Variants in IL1RAPL2 observed in about 807,000 individuals in gnomAD.
IL1RAPL2 encodes the protein interleukin 1 receptor accessory protein like 2.
A neutral mutation model predicts 44.1 loss-of-function variants in IL1RAPL2; 3 were observed. The observed-to-expected ratio is 0.07, with a 90% CI of 0.03 to 0.18. IL1RAPL2 has a LOEUF of 0.18. IL1RAPL2 is among the 10% of genes least tolerant of loss of function. The probability of loss-of-function intolerance (pLI) is 1.00; values close to 1 mark genes in which losing one functional copy is unlikely to be tolerated. For synonymous variants in IL1RAPL2, 181 were observed against 178.8 expected (o/e 1.01, Z -0.10); for missense variants, 391 against 496.4 (o/e 0.79, Z 2.02).
At chrX:104,736,034 C>T (rs1490336640) in intron 2 of IL1RAPL2, among the ~76,000 whole-genome samples, 2 of 110,869 alleles carry the variant, frequency 1.8e-5, no homozygotes, top group Non-Finnish European at 3.8e-5. Context: ...ATTCTAGAAG[C>T]ACACTGAGTT....
At chrX:105,005,967 C>T (rs1193750949) in intron 2 of IL1RAPL2, among the ~76,000 whole-genome samples, 2 of 110,471 alleles carry the variant, frequency 1.8e-5, no homozygotes, top group Admixed American at 9.7e-5. Flanking sequence ...TGGAATCTTA[C>T]GTTTTGTATA....
chrX:105,136,072 G>C (rs1056446096), intron 2 of IL1RAPL2, among the ~76,000 whole-genome samples: 1 of 112,038 alleles, frequency 8.9e-6, no homozygotes, highest in Admixed American at 9.5e-5. Flanking sequence ...GTGGGATGAA[G>C]ACTAATCACA....
At chrX:104,827,690 A>G (rs1463364029) in intron 2 of IL1RAPL2, among the ~76,000 whole-genome samples, 2 of 111,787 alleles carry the variant, frequency 1.8e-5, no homozygotes, top group South Asian at 3.7e-4. Context: ...AGGTTGGGGA[A>G]GTTCTCCAGG....
intron 5 of IL1RAPL2, among the ~76,000 whole-genome samples, chrX:105,320,746 G>C (rs1321521564): frequency 1.8e-5 from 2 of 111,888 alleles, no homozygotes; most frequent in African/African-American, 6.5e-5. Flanking sequence ...GTGTATGTGT[G>C]AATGTGTAGA....
At position 105,682,948 on chromosome X, in the gene IL1RAPL2, T is replaced by C. The variant is rs747045560; in HGVS notation, c.773-34419T>C. Reference sequence around the variant, plus strand: ...AACATTTAAGATACAAATTGGATCATAGGTGCCTGAGAAATAATACTTAAT... The same window carrying C: ...AACATTTAAGATACAAATTGGATCACAGGTGCCTGAGAAATAATACTTAAT... On this transcript the variant is annotated intron_variant, in intron 6 of 10. Coordinates refer to ENST00000372582, the MANE Select transcript of IL1RAPL2 (RefSeq NM_017416.2). 1.1e-4 allele frequency among the ~76,000 whole-genome samples: 12 copies of C among 112,515 alleles called. No individual in the cohort carries two copies. The South Asian group carries it at 4.0e-3, about 38-fold the overall frequency.
At chrX:105,496,632 C>T (rs2036358521) in intron 6 of IL1RAPL2, among the ~76,000 whole-genome samples, 1 of 111,615 alleles carries the variant, frequency 9.0e-6, no homozygotes, top group South Asian at 3.7e-4. Flanking sequence ...AGCATTGACA[C>T]GTGTAGTGAT....
chrX:104,843,666 G>A (rs768618270), intron 2 of IL1RAPL2, among the ~76,000 whole-genome samples: 21 of 109,249 alleles, frequency 1.9e-4, no homozygotes, highest in Admixed American at 1.5e-3. Context: ...AGCTCCTTGC[G>A]CTTCCTGGGT....
At chrX:105,284,883 T>C (rs1036410813) in intron 5 of IL1RAPL2, among the ~76,000 whole-genome samples, 5 of 111,383 alleles carry the variant, frequency 4.5e-5, no homozygotes, top group African/African-American at 1.6e-4. Context: ...AGAGATAACG[T>C]TAGATAGAGA....
chrX:104,791,391 C>T (rs779255239), intron 2 of IL1RAPL2, among the ~76,000 whole-genome samples: 4 of 111,540 alleles, frequency 3.6e-5, no homozygotes, highest in Non-Finnish European at 7.5e-5. Context: ...GCATTATTTT[C>T]GTTCCTAAAT....
At chrX:104,746,370 A>G (rs962587490) in intron 2 of IL1RAPL2, among the ~76,000 whole-genome samples, 2 of 111,911 alleles carry the variant, frequency 1.8e-5, no homozygotes, top group Non-Finnish European at 3.8e-5. Context: ...ACTTTTGGCT[A>G]CTTGTATAAA....
At chrX:105,227,995 G>A (rs1394028996) in intron 3 of IL1RAPL2, among the ~76,000 whole-genome samples, 1 of 111,114 alleles carries the variant, frequency 9.0e-6, no homozygotes, top group Non-Finnish European at 1.9e-5. Flanking sequence ...TTGAGAAATA[G>A]AACTTATCAA....
chrX:104,675,956 A>T (rs1438439916), intron 2 of IL1RAPL2, among the ~76,000 whole-genome samples: 30 of 104,275 alleles, frequency 2.9e-4, no homozygotes, highest in Non-Finnish European at 5.6e-4. Flanking sequence ...TGCTTGGTAG[A>T]TCTTCCTCCA....
intron 2 of IL1RAPL2, among the ~76,000 whole-genome samples, chrX:104,885,891 G>C (rs1413603023): frequency 8.8e-6 from 1 of 113,303 alleles, no homozygotes; most frequent in East Asian, 2.8e-4. Context: ...GCCCCAGAGT[G>C]CAATGGTTCT....
At chrX:105,588,794 T>C (rs1407199863) in intron 6 of IL1RAPL2, among the ~76,000 whole-genome samples, 1 of 112,250 alleles carries the variant, frequency 8.9e-6, no homozygotes, top group Admixed American at 9.5e-5. Context: ...CTACTATTGA[T>C]GAGCATTTAG....
At position 105,442,362 on chromosome X, in the gene IL1RAPL2, C is replaced by A. The variant is rs1016080408; in HGVS notation, c.698-41951C>A. 2.7e-4 allele frequency among the ~76,000 whole-genome samples: 30 copies of A among 111,275 alleles called. No homozygotes were observed. In the Admixed American group the frequency reaches 2.9e-3, roughly 11 times the overall value. On this transcript the variant is annotated intron_variant, in intron 5 of 10. Transcript: ENST00000372582. Reference sequence around the variant, plus strand: ...TACAGGTGTGAGCCACCGTGCCCGGCCATGAATTGGGTTCTTATTACCTAC... The same window carrying A: ...TACAGGTGTGAGCCACCGTGCCCGGACATGAATTGGGTTCTTATTACCTAC...
intron 4 of IL1RAPL2, among the ~76,000 whole-genome samples, chrX:105,266,025 A>G (rs7881915): frequency 0.056 from 6,033 of 107,857 alleles, 396 homozygotes; most frequent in African/African-American, 0.2. Flanking sequence ...CTTAACTGAC[A>G]GAATTTACAT....
At chrX:105,046,939 A>G (rs1041459383) in intron 2 of IL1RAPL2, among the ~76,000 whole-genome samples, 52 of 108,403 alleles carry the variant, frequency 4.8e-4, no homozygotes, top group African/African-American at 1.7e-3. Context: ...GGCAGATAGA[A>G]CCTTTCACAT....
At chrX:105,297,075 G>A (rs184752427) in intron 5 of IL1RAPL2, among the ~76,000 whole-genome samples, 2 of 112,275 alleles carry the variant, frequency 1.8e-5, no homozygotes, top group Non-Finnish European at 3.8e-5. Flanking sequence ...ATGGAGATTG[G>A]CAAGGAAGGT....
At chrX:104,695,367 G>A (rs747177783) in intron 2 of IL1RAPL2, among the ~76,000 whole-genome samples, 22 of 111,586 alleles carry the variant, frequency 2.0e-4, no homozygotes, top group Non-Finnish European at 3.6e-4. Context: ...GAGAGAGAGA[G>A]AGAGCGAGCA....
Sources: allele counts gnomAD v4.1 joint callset (sites outside exome capture counted in the v4.1 genomes callset), GRCh38; gene constraint gnomAD v4.1.1; transcripts MANE v1.5; gene names NCBI Gene and HGNC (gene_info 2026-07-23, HGNC 2026-07-21).